TTLL8: variants seen among roughly 807,000 people sequenced by gnomAD.
The protein encoded by TTLL8 is tubulin tyrosine ligase like 8, also known as protein monoglycylase TTLL8.
Under a neutral mutation model 77.8 loss-of-function variants are expected in TTLL8, and 65 were observed. The observed-to-expected ratio is 0.84, with a 90% confidence interval of 0.68 to 1.03. TTLL8 has a LOEUF of 1.03. Ranked by LOEUF, TTLL8 falls within the 50% of genes least tolerant of loss-of-function variation. TTLL8 has a pLI of 0.00. For synonymous variants in TTLL8, 402 were observed against 422.8 expected (o/e 0.95, Z 0.60); for missense variants, 910 against 1,004.5 (o/e 0.91, Z 1.27).
intron 9 of TTLL8, among the ~76,000 whole-genome samples, 157 bp from the exon 11 acceptor site, chr22:50,033,602 C>T (rs1029291578): frequency 3.3e-5 from 5 of 152,218 alleles, no homozygotes; most frequent in African/African-American, 1.2e-4. Flanking sequence ...GATGGGGGAG[C>T]AGGGAAGGCT....
chr22:50,040,279 C>T (rs1189075657), intron 8 of TTLL8, among the ~76,000 whole-genome samples: 5 of 151,042 alleles, frequency 3.3e-5, no homozygotes, highest in East Asian at 1.9e-4. Flanking sequence ...CCAGCATGGA[C>T]AGACCTCATG....
intron 11 of TTLL8, among the ~76,000 whole-genome samples, chr22:50,031,205 G>T (rs1338571664): frequency 1.3e-5 from 2 of 152,160 alleles, no homozygotes; most frequent in Non-Finnish European, 2.9e-5. Context: ...CAGAGAGGCC[G>T]CAAGAGAGAG....
At position 50,044,958 on chromosome 22, in the gene TTLL8, G is replaced by A. The variant is rs1332448174; in HGVS notation, c.643+297C>T. Among the ~76,000 whole-genome samples the A allele has an allele frequency of 1.3e-5, 2 of 152,116 alleles. No homozygotes were observed. The highest frequency in any genetic ancestry group is 2.1e-4 in the South Asian group (1 of 4,826). ...TGGCCGTGGGGTGGGGCAGGCTTCCGACCACAGGCTGGAACCACGTCCGCG... is the reference window on the plus strand; with the variant it reads ...TGGCCGTGGGGTGGGGCAGGCTTCCAACCACAGGCTGGAACCACGTCCGCG... On this transcript the variant is annotated intron_variant, in intron 6 of 13. Transcript: ENST00000266182. The surrounding 1 kb of genome is among the most constrained non-coding windows in gnomAD (Gnocchi z 4.2).
intron 5 of TTLL8, 116 bp downstream of exon 7, chr22:50,045,740 C>A (rs1277237045): frequency 1.3e-5 from 16 of 1,221,570 alleles, no homozygotes; most frequent in Middle Eastern, 2.3e-4. Flanking sequence ...TGGGAGGCCT[C>A]TCCCCGGTCC....
At chr22:50,043,812 A>G (rs1182518023) in intron 6 of TTLL8, among the ~76,000 whole-genome samples, 2 of 152,140 alleles carry the variant, frequency 1.3e-5, no homozygotes, top group Non-Finnish European at 2.9e-5. Flanking sequence ...ATTCTAGAAA[A>G]GGCAAAACCG....
At chr22:50,028,706 G>A (rs1351331414) in intron 12 of TTLL8, among the ~76,000 whole-genome samples, 46 of 30,534 alleles carry the variant, frequency 1.5e-3, no homozygotes, top group East Asian at 2.6e-3. Context: ...ACACCATCCT[G>A]AAGACCCCAC....
rs1371128684 is a variant in TTLL8, at chr22:50,029,389, ATCACACCATCCTGAAGACCC to A, written c.2203+1021_2203+1040del. 4.8e-5 allele frequency among the ~76,000 whole-genome samples: 6 copies of A among 125,980 alleles called. 1 individual carries two copies. The highest frequency in any genetic ancestry group is 5.9e-4 in the East Asian group (2 of 3,402). 82.6% of individuals were successfully genotyped at this position (125,980 alleles called of 152,430 possible). A position where few individuals can be genotyped will look rare whatever the true frequency, so the allele number is the denominator to read the frequency against. The stretch of plus-strand genomic sequence containing the variant: ...CCCCACACACCCTCGTAAAGACCCC[ATCACACCATCCTGAAGACCC>A]CACACACACTCGTAAAGACCCCATC... On this transcript the variant is annotated intron_variant, in intron 12 of 13. Transcript: ENST00000266182.
rs781728445 is a variant in TTLL8, at chr22:50,031,638, C to T, written c.1707+48G>A. 100 of 1,222,200 alleles carry T rather than the reference C, an allele frequency of 8.2e-5. 2 individuals are homozygous for T. The Middle Eastern group carries it at 7.3e-3, about 89-fold the overall frequency. 75.7% of individuals were successfully genotyped at this position (1,222,200 alleles called of 1,614,324 possible). On this transcript the variant is annotated intron_variant, in intron 11 of 13. Coordinates refer to ENST00000266182, the Ensembl canonical transcript of TTLL8. ...GCCCAGTGACCAGGTGGCAAAGCAT[C>T]CACATGGCGGGCGGCCACCAAAGTC...
At chr22:50,056,980 G>A (rs1214658109), upstream of TTLL8, 3 of 1,289,478 alleles carry the variant, frequency 2.3e-6, no homozygotes, top group Non-Finnish European at 3.0e-6. This position sits in a 1 kb window ranked among gnomAD's most constrained non-coding sequence, Gnocchi z 4.1. Context: ...ACCCCTAGAG[G>A]AGAGGGTGTG....
chr22:50,030,309 G>A (rs997070546), intron 12 of TTLL8, 121 bp downstream of exon 13: 13 of 1,111,100 alleles, frequency 1.2e-5, no homozygotes, highest in Non-Finnish European at 1.4e-5. Context: ...GGACACCCCG[G>A]GCCCCAGCAC....
exon 1 of TTLL8, chr22:50,054,591 G>A (rs751556218): frequency 3.2e-5 from 8 of 248,824 alleles, no homozygotes; most frequent in Non-Finnish European, 6.4e-5. Context: ...CATTCTCTGA[G>A]TACCTGGAAG....
Position 50,029,592 on chromosome 22 carries a change from G to A in TTLL8, c.2203+838C>T, listed in dbSNP as rs560680478. 9.2e-5 allele frequency among the ~76,000 whole-genome samples: 14 copies of A among 152,274 alleles called. No homozygotes were observed. In the East Asian group the frequency reaches 9.7e-4, roughly 11 times the overall value. ...CATCTCTACTAAAAATTAGCCGGGC[G>A]CGGTGGCGGGCGCCTGTGGTCCCAG... On this transcript the variant is annotated intron_variant, in intron 12 of 13. Transcript: ENST00000266182.
At chr22:50,045,712 C>G (rs1253444295) in intron 5 of TTLL8, 144 bp downstream of exon 7, 3 of 1,198,630 alleles carry the variant, frequency 2.5e-6, no homozygotes, top group African/African-American at 1.6e-5. Flanking sequence ...GGCCTCTGTA[C>G]TGCCATGACC....
At chr22:50,051,725 C>T (rs997107181) in intron 1 of TTLL8, among the ~76,000 whole-genome samples, 1 of 152,154 alleles carries the variant, frequency 6.6e-6, no homozygotes, top group Admixed American at 6.5e-5. Context: ...TCATTATGGC[C>T]ATTCTTGCAG....
chr22:50,056,358 C>T (rs9628278), upstream of TTLL8, among the ~76,000 whole-genome samples: 1 of 151,214 alleles, frequency 6.6e-6, no homozygotes, highest in African/African-American at 2.4e-5. The surrounding 1 kb of genome is among the most constrained non-coding windows in gnomAD (Gnocchi z 4.1). Context: ...ACCACACACC[C>T]GAGTGCCTGA....
chr22:50,030,300 G>A (rs910420793), intron 12 of TTLL8, 130 bp downstream of exon 13: 113 of 1,089,212 alleles, frequency 1.0e-4, no homozygotes, highest in Non-Finnish European at 6.9e-5. Flanking sequence ...TCCGTCAGGG[G>A]ACACCCCGGG....
At chr22:50,056,986 G>T, upstream of TTLL8, 9 of 1,288,302 alleles carry the variant, frequency 7.0e-6, no homozygotes, top group South Asian at 8.6e-5. This position sits in a 1 kb window ranked among gnomAD's most constrained non-coding sequence, Gnocchi z 4.1. Flanking sequence ...AGAGGAGAGG[G>T]TGTGGTGGTT....
intron 1 of TTLL8, among the ~76,000 whole-genome samples, chr22:50,052,752 A>G (rs1204315463): frequency 6.6e-6 from 1 of 152,238 alleles, no homozygotes. Flanking sequence ...CCTATTAAGA[A>G]GGCATTAGTT....
At chr22:50,055,196 AG>A (rs527964054), upstream of TTLL8, 13 of 1,277,902 alleles carry the variant, frequency 1.0e-5, no homozygotes, top group South Asian at 1.4e-4. Flanking sequence ...CTTTTAAAAA[AG>A]TGTCCCCCTC....
Sources: gnomAD v4.1 joint callset for allele counts (sites outside exome capture counted in the v4.1 genomes callset) on GRCh38, gnomAD v4.1.1 for gene constraint, Gnocchi (gnomAD v3.1) non-coding constraint, MANE v1.5 for transcripts, NCBI Gene and HGNC (gene_info 2026-07-23, HGNC 2026-07-21) for gene names.